Variants in PGM5 observed in about 807,000 individuals in gnomAD.
PGM5 encodes phosphoglucomutase 5.
In PGM5, 23 loss-of-function variants were observed where a neutral mutation model predicts 59.2. That is an observed-to-expected ratio of 0.39 (90% CI 0.28 to 0.55). The LOEUF (loss-of-function observed/expected upper bound fraction) is 0.55, where lower values mean the gene tolerates loss of function less well. Ranked by LOEUF, PGM5 falls within the 20% of genes least tolerant of loss-of-function variation. PGM5 has a pLI of 0.66. For synonymous variants in PGM5, 214 were observed against 286.0 expected, an observed-to-expected ratio of 0.75 and a Z score of 2.54; for missense variants, 574 against 748.3, an observed-to-expected ratio of 0.77 and a Z score of 2.72.
chr9:68,405,597 T>G (rs1822786272), intron 6 of PGM5: 1 of 153,882 alleles, frequency 6.5e-6, no homozygotes, highest in Non-Finnish European at 1.5e-5. Context: ...CTTTATTCCT[T>G]TCTTCCTTCT....
At chr9:68,460,154 C>G (rs1010967810) in intron 6 of PGM5, among the ~76,000 whole-genome samples, 1 of 152,164 alleles carries the variant, frequency 6.6e-6, no homozygotes, top group East Asian at 1.9e-4. Context: ...GCCTCACACA[C>G]TTGATATGAT....
intron 6 of PGM5, among the ~76,000 whole-genome samples, chr9:68,418,957 G>A (rs1382579385): frequency 6.6e-6 from 1 of 152,140 alleles, no homozygotes; most frequent in East Asian, 1.9e-4. Flanking sequence ...GGCTGAAAAA[G>A]AGAATGTGGT....
At chr9:68,481,685 A>G (rs1195900736) in intron 8 of PGM5, among the ~76,000 whole-genome samples, 2 of 152,234 alleles carry the variant, frequency 1.3e-5, no homozygotes, top group African/African-American at 4.8e-5. Flanking sequence ...TTTGTGGCCA[A>G]GAGCTTACAT....
chr9:68,494,475 G>A (rs1262748536), intron 9 of PGM5, among the ~76,000 whole-genome samples: 1 of 152,232 alleles, frequency 6.6e-6, no homozygotes, highest in South Asian at 2.1e-4. Context: ...AGAAAAAAGA[G>A]GTTATTGCAA....
rs1267725629 is a variant in PGM5, at chr9:68,530,331, A to G, written c.*675A>G. The G allele has an allele frequency of 6.6e-6, 1 of 152,228 alleles. No homozygotes were observed. The highest frequency in any genetic ancestry group is 2.4e-5 in the African/African-American group (1 of 41,454). The allele number at this position is 152,228 out of a possible 1,614,324, so 9.4% of individuals were successfully genotyped here. On this transcript the variant is annotated 3_prime_UTR_variant, in exon 11 of 11. Transcript: ENST00000396396. Reference sequence around the variant, plus strand: ...TTTCCTCTCTTATTTTGTAAATAGTATTATTTTAGCTATTAAGCTGGATAC... The same window carrying G: ...TTTCCTCTCTTATTTTGTAAATAGTGTTATTTTAGCTATTAAGCTGGATAC...
chr9:68,360,060 G>A (rs1385162413), intron 1 of PGM5, among the ~76,000 whole-genome samples: 4 of 151,956 alleles, frequency 2.6e-5, no homozygotes, highest in African/African-American at 9.7e-5. Context: ...GCCCAGTCTA[G>A]TCTCAAACTC....
intron 6 of PGM5, among the ~76,000 whole-genome samples, chr9:68,445,547 A>G (rs1823598286): frequency 2.6e-5 from 4 of 152,202 alleles, no homozygotes. Flanking sequence ...CCGCCTGCAT[A>G]TTGGGACACA....
intron 10 of PGM5, among the ~76,000 whole-genome samples, chr9:68,523,672 A>G (rs1025303309): frequency 6.6e-6 from 1 of 152,130 alleles, no homozygotes; most frequent in Non-Finnish European, 1.5e-5. Flanking sequence ...ACCTACCTGC[A>G]TTTCTGGTTT....
chr9:68,511,713 G>A (rs1824754849), intron 10 of PGM5, among the ~76,000 whole-genome samples: 1 of 151,518 alleles, frequency 6.6e-6, no homozygotes, highest in Admixed American at 6.6e-5. Context: ...ACCATGCCTG[G>A]CTAATTTTTG....
chr9:68,361,108 A>G (rs1554676245), intron 1 of PGM5, among the ~76,000 whole-genome samples: 1 of 152,072 alleles, frequency 6.6e-6, no homozygotes, highest in Non-Finnish European at 1.5e-5. Flanking sequence ...GTAGAGATGG[A>G]GGTCTTACTA....
chr9:68,459,405 C>G (rs569478142), intron 6 of PGM5, among the ~76,000 whole-genome samples: 1 of 152,170 alleles, frequency 6.6e-6, no homozygotes, highest in Non-Finnish European at 1.5e-5. Context: ...CTTTTCCCAT[C>G]AATGATGAGT....
intron 2 of PGM5, among the ~76,000 whole-genome samples, chr9:68,383,875 T>C (rs1822146370): frequency 6.6e-6 from 1 of 151,892 alleles, no homozygotes; most frequent in South Asian, 2.1e-4. Context: ...TTAGTTGAGC[T>C]TCATTTTGGA....
chr9:68,407,135 A>G (rs1202159116), intron 6 of PGM5, among the ~76,000 whole-genome samples: 12 of 151,934 alleles, frequency 7.9e-5, no homozygotes, highest in Non-Finnish European at 1.5e-4. Context: ...GAATAGACGT[A>G]CGTTTTTTTG....
chr9:68,489,893 C>T (rs1389793186), intron 9 of PGM5, among the ~76,000 whole-genome samples: 1 of 150,106 alleles, frequency 6.7e-6, no homozygotes, highest in Non-Finnish European at 1.5e-5. Context: ...GTCAGGCTAA[C>T]TCTGAGCTGA....
At chr9:68,372,973 C>T (rs1435670401) in intron 1 of PGM5, among the ~76,000 whole-genome samples, 5 of 151,924 alleles carry the variant, frequency 3.3e-5, no homozygotes, top group Non-Finnish European at 5.9e-5. Context: ...CTCACTGGGC[C>T]CCACCGCTAA....
chr9:68,510,451 G>A (rs1043306467), intron 10 of PGM5, among the ~76,000 whole-genome samples: 4 of 151,936 alleles, frequency 2.6e-5, no homozygotes, highest in South Asian at 2.1e-4. Context: ...GTGCCTGGCC[G>A]AAATCAGTTA....
chr9:68,424,421 G>C (rs1296169894), intron 6 of PGM5, among the ~76,000 whole-genome samples: 1 of 152,134 alleles, frequency 6.6e-6, no homozygotes, highest in Non-Finnish European at 1.5e-5. Context: ...ATGGTGGAAG[G>C]GGCAAGGCAG....
Position 68,384,482 on chromosome 9 carries a change from T to A in PGM5, c.509T>A (p.Ile170Asn). ...TATGCTATATGTCCTGATCTCCGAA[T>A]CGACCTATCTCGACTAGGAAGACAA... ...EEYAICPDLR[I>N]DLSRLGRQEF... Residue 170 changes from isoleucine to asparagine, a missense_variant, in exon 3 of 11, where the codon ATC becomes AAC. Coordinates refer to ENST00000396396, the MANE Select transcript of PGM5 (RefSeq NM_021965.4). 4 of 1,609,754 alleles carry A rather than the reference T, an allele frequency of 2.5e-6. No homozygotes were observed. Among genetic ancestry groups the A allele is most frequent in the Non-Finnish European group, 3.4e-6 (4 of 1,176,518 alleles).
At chr9:68,446,018 C>A (rs1823605856) in intron 6 of PGM5, among the ~76,000 whole-genome samples, 1 of 152,174 alleles carries the variant, frequency 6.6e-6, no homozygotes, top group Non-Finnish European at 1.5e-5. Flanking sequence ...CTGTCCACTA[C>A]CTTGTATGAT....
Sources: allele counts gnomAD v4.1 joint callset (sites outside exome capture counted in the v4.1 genomes callset), GRCh38; gene constraint gnomAD v4.1.1; transcripts MANE v1.5; gene names NCBI Gene and HGNC (gene_info 2026-07-23, HGNC 2026-07-21).